The following DTNB variants were observed in gnomAD, a reference collection of about 807,000 sequenced individuals.
The protein encoded by DTNB is dystrobrevin beta.
DTNB carries 63 observed loss-of-function variants against 90.7 expected under a neutral mutation model. The ratio of observed to expected loss-of-function variants is 0.69; its 90% CI spans 0.57 to 0.86. The LOEUF is 0.86. Ranked by LOEUF, DTNB falls within the 40% of genes least tolerant of loss-of-function variation. The probability of loss-of-function intolerance (pLI) is 0.00; values close to 1 mark genes in which losing one functional copy is unlikely to be tolerated. For missense variants in DTNB, 744 were observed against 807.1 expected (o/e 0.92, Z 0.95); for synonymous variants, 277 against 286.7 (o/e 0.97, Z 0.34).
chr2:25,577,829 C>T (rs1426118636), intron 7 of DTNB, among the ~76,000 whole-genome samples: 1 of 152,176 alleles, frequency 6.6e-6, no homozygotes, highest in Non-Finnish European at 1.5e-5. Context: ...GGAGAAACCC[C>T]GTCTCTACTA....
chr2:25,448,993 T>C (rs1184184570), intron 12 of DTNB, among the ~76,000 whole-genome samples: 2 of 152,208 alleles, frequency 1.3e-5, no homozygotes, highest in Non-Finnish European at 2.9e-5. Context: ...TATTTCCATT[T>C]CTAGAAACAG....
Position 25,552,841 on chromosome 2 carries a change from ATTTTTTTTTTTT to A in DTNB, c.877-21256_877-21245del, listed in dbSNP as rs544243784. On this transcript the variant is annotated intron_variant, in intron 8 of 20. Coordinates refer to ENST00000406818, the MANE Select transcript of DTNB (RefSeq NM_021907.5). ...GAAAATTATATAATTTCTCTTTTTG[ATTTTTTTTTTTT>A]TTTTTTTTTTTTTTTTTTGAGACGG... Among the ~76,000 whole-genome samples the A allele has an allele frequency of 1.3e-4, 11 of 86,032 alleles. No homozygotes were observed. In the South Asian group the frequency reaches 3.2e-3, roughly 25 times the overall value. 56.4% of individuals were successfully genotyped at this position (86,032 alleles called of 152,430 possible).
At chr2:25,436,066 G>A (rs1390340591) in intron 12 of DTNB, among the ~76,000 whole-genome samples, 3 of 152,190 alleles carry the variant, frequency 2.0e-5, no homozygotes, top group Admixed American at 6.5e-5. Flanking sequence ...CAGCAGGTGC[G>A]GTGGCTCACA....
intron 10 of DTNB, among the ~76,000 whole-genome samples, chr2:25,458,506 T>A (rs2060414790): frequency 1.3e-5 from 2 of 152,018 alleles, no homozygotes. Context: ...TCTTGCTCTG[T>A]CACCCAGGCT....
At chr2:25,511,392 C>T (rs903767268) in intron 9 of DTNB, among the ~76,000 whole-genome samples, 4 of 151,916 alleles carry the variant, frequency 2.6e-5, no homozygotes, top group Admixed American at 6.6e-5. Flanking sequence ...GAGTGCAATG[C>T]GCGATCTTGA....
intron 12 of DTNB, among the ~76,000 whole-genome samples, chr2:25,438,336 CATA>C (rs1050650718): frequency 6.6e-6 from 1 of 152,198 alleles, no homozygotes; most frequent in African/African-American, 2.4e-5. Flanking sequence ...AAAAAAATCT[CATA>C]ATGTTTTAAG....
intron 1 of DTNB, among the ~76,000 whole-genome samples, chr2:25,671,002 T>G (rs866222926): frequency 2.0e-5 from 3 of 152,338 alleles, no homozygotes; most frequent in Middle Eastern, 3.4e-3. Flanking sequence ...TCAGATTGAC[T>G]GTCATGGTAT....
At chr2:25,442,233 G>T (rs753510176) in intron 12 of DTNB, among the ~76,000 whole-genome samples, 3 of 152,232 alleles carry the variant, frequency 2.0e-5, no homozygotes, top group Non-Finnish European at 4.4e-5. Flanking sequence ...GATTAACAGA[G>T]AAACTAAAAT....
chr2:25,600,741 C>T (rs2065699484), intron 5 of DTNB, among the ~76,000 whole-genome samples: 1 of 152,168 alleles, frequency 6.6e-6, no homozygotes, highest in East Asian at 1.9e-4. Context: ...TATACACCCA[C>T]ACCAACGAAT....
At chr2:25,573,720 A>G (rs2060229134) in intron 8 of DTNB, among the ~76,000 whole-genome samples, 1 of 152,174 alleles carries the variant, frequency 6.6e-6, no homozygotes, top group Non-Finnish European at 1.5e-5. Flanking sequence ...TTACCACTAT[A>G]TAACATGGGT....
intron 6 of DTNB, among the ~76,000 whole-genome samples, chr2:25,583,517 T>G (rs183617938): frequency 8.3e-4 from 126 of 151,976 alleles, no homozygotes; most frequent in East Asian, 4.6e-3. Flanking sequence ...GTGTTTTTTT[T>G]TTGTTGTTGT....
intron 10 of DTNB, among the ~76,000 whole-genome samples, chr2:25,459,446 T>C (rs1303748183): frequency 6.6e-6 from 1 of 152,186 alleles, no homozygotes; most frequent in Non-Finnish European, 1.5e-5. Context: ...GTATTTTAGC[T>C]TTTACTCTGA....
rs72812143 is a variant in DTNB, at chr2:25,450,414, C to T, written c.1257+1134G>A. 6.2e-3 allele frequency among the ~76,000 whole-genome samples: 938 copies of T among 152,228 alleles called. 15 individuals carry two copies. Among genetic ancestry groups the T allele is most frequent in the Non-Finnish European group, 0.011 (746 of 68,002 alleles). Reference sequence around the variant, plus strand: ...CTGTTCCTTTGATTTATTTGTTCATCCTTTTGCCAGTATCTTACTTTCTTG... The same window carrying T: ...CTGTTCCTTTGATTTATTTGTTCATTCTTTTGCCAGTATCTTACTTTCTTG... On this transcript the variant is annotated intron_variant, in intron 12 of 20. Transcript: ENST00000406818.
intron 12 of DTNB, among the ~76,000 whole-genome samples, chr2:25,441,388 A>G (rs1574501110): frequency 6.6e-6 from 1 of 152,218 alleles, no homozygotes; most frequent in East Asian, 1.9e-4. Context: ...TCAACAACAT[A>G]AAAAATATAT....
chr2:25,600,305 G>C (rs1434042798), intron 5 of DTNB, among the ~76,000 whole-genome samples: 1 of 152,218 alleles, frequency 6.6e-6, no homozygotes, highest in East Asian at 1.9e-4. Flanking sequence ...TTTGCACATT[G>C]CAATGCTGGA....
intron 9 of DTNB, chr2:25,497,444 C>A (rs1010483748): frequency 6.6e-6 from 1 of 152,142 alleles, no homozygotes; most frequent in Non-Finnish European, 1.5e-5. Flanking sequence ...AAGAAAGTAG[C>A]CTACAGAACT....
intron 7 of DTNB, among the ~76,000 whole-genome samples, chr2:25,577,735 G>A (rs2060915345): frequency 6.6e-6 from 1 of 152,104 alleles, no homozygotes; most frequent in Admixed American, 6.5e-5. Context: ...AGGCATGGTG[G>A]CTCACGCCTG....
chr2:25,432,277 A>G (rs2054154187), intron 14 of DTNB, among the ~76,000 whole-genome samples: 1 of 151,530 alleles, frequency 6.6e-6, no homozygotes, highest in Admixed American at 6.6e-5. Context: ...ATAAGACCCT[A>G]ACAATGGATC....
At chr2:25,639,729 G>A (rs900401794) in intron 2 of DTNB, among the ~76,000 whole-genome samples, 2 of 152,146 alleles carry the variant, frequency 1.3e-5, no homozygotes, top group African/African-American at 2.4e-5. Flanking sequence ...ACACTGTGAC[G>A]GCCTCGCGGC....
Sources: allele counts gnomAD v4.1 joint callset (sites outside exome capture counted in the v4.1 genomes callset), GRCh38; gene constraint gnomAD v4.1.1; transcripts MANE v1.5; gene names NCBI Gene and HGNC (gene_info 2026-07-23, HGNC 2026-07-21).